FAF1: variants seen among roughly 807,000 people sequenced by gnomAD.
FAF1 encodes the protein Fas associated factor 1.
Under a neutral mutation model 92.5 loss-of-function variants are expected in FAF1, and 25 were observed. That is an observed-to-expected ratio of 0.27 (90% CI 0.20 to 0.38). The LOEUF (loss-of-function observed/expected upper bound fraction) is 0.38. FAF1 is among the 10% of genes least tolerant of loss of function. The probability of loss-of-function intolerance (pLI) is 1.00; values close to 1 mark genes in which losing one functional copy is unlikely to be tolerated. For synonymous variants in FAF1, 234 were observed against 273.2 expected (o/e 0.86, Z 1.42); for missense variants, 636 against 793.3 (o/e 0.80, Z 2.38).
At chr1:50,796,204 AAC>A (rs1661744318) in intron 3 of FAF1, among the ~76,000 whole-genome samples, 1 of 151,248 alleles carries the variant, frequency 6.6e-6, no homozygotes, top group Non-Finnish European at 1.5e-5. Flanking sequence ...TTTGGCAGCA[AAC>A]ACACAAACAC....
intron 15 of FAF1, among the ~76,000 whole-genome samples, chr1:50,510,550 C>T (rs918319612): frequency 6.6e-6 from 1 of 152,136 alleles, no homozygotes; most frequent in African/African-American, 2.4e-5. Flanking sequence ...CTGTTACACC[C>T]CACCACTCAA....
At chr1:50,733,910 C>A (rs1301439867) in intron 6 of FAF1, among the ~76,000 whole-genome samples, 3 of 152,202 alleles carry the variant, frequency 2.0e-5, no homozygotes, top group Admixed American at 2.0e-4. Flanking sequence ...AATTCTCCTG[C>A]CTCAGCCTCC....
At chr1:50,827,251 T>C (rs1489821618) in intron 2 of FAF1, among the ~76,000 whole-genome samples, 2 of 152,152 alleles carry the variant, frequency 1.3e-5, no homozygotes, top group Admixed American at 6.5e-5. Flanking sequence ...TAGAAAGAAG[T>C]AGACATAGGA....
intron 7 of FAF1, among the ~76,000 whole-genome samples, chr1:50,686,372 G>A (rs553101893): frequency 1.2e-3 from 185 of 152,034 alleles, no homozygotes; most frequent in Non-Finnish European, 1.7e-3. Flanking sequence ...GAGAAACCCC[G>A]TCCCTACTAA....
intron 1 of FAF1, among the ~76,000 whole-genome samples, chr1:50,919,951 A>C (rs1644950139): frequency 6.6e-6 from 1 of 152,168 alleles, no homozygotes; most frequent in South Asian, 2.1e-4. Flanking sequence ...CCTAAACTGA[A>C]ACTAAATTCC....
intron 13 of FAF1, among the ~76,000 whole-genome samples, chr1:50,560,983 T>A (rs1013966483): frequency 2.6e-5 from 4 of 152,234 alleles, no homozygotes; most frequent in African/African-American, 9.6e-5. Context: ...GTACTATTTA[T>A]GGTTAATTCT....
chr1:50,518,008 A>G (rs1294106898), intron 15 of FAF1, among the ~76,000 whole-genome samples: 1 of 152,240 alleles, frequency 6.6e-6, no homozygotes, highest in Non-Finnish European at 1.5e-5. Flanking sequence ...TTTTTAATGT[A>G]CAGTTCTATG....
intron 6 of FAF1, among the ~76,000 whole-genome samples, chr1:50,729,052 A>T (rs1291079425): frequency 1.2e-3 from 113 of 97,894 alleles, no homozygotes; most frequent in African/African-American, 4.8e-3. Flanking sequence ...ATATATATAT[A>T]TATATATTTT....
intron 16 of FAF1, among the ~76,000 whole-genome samples, chr1:50,491,186 A>G (rs372897213): frequency 6.6e-6 from 1 of 152,216 alleles, no homozygotes; most frequent in Non-Finnish European, 1.5e-5. Flanking sequence ...AAAAATTTCC[A>G]CTGAAACTCC....
intron 4 of FAF1, among the ~76,000 whole-genome samples, 200 bp downstream of exon 4, chr1:50,787,800 A>G (rs1446411522): frequency 6.6e-6 from 1 of 152,184 alleles, no homozygotes; most frequent in Non-Finnish European, 1.5e-5. Flanking sequence ...CATGGAACAA[A>G]AAAAATTATT....
intron 2 of FAF1, among the ~76,000 whole-genome samples, chr1:50,802,132 C>T (rs531789202): frequency 9.5e-4 from 144 of 151,928 alleles, no homozygotes; most frequent in Non-Finnish European, 1.8e-3. Context: ...CTCTTGTTGC[C>T]CAGGCTGGAG....
chr1:50,473,917 A>T (rs1223456184), intron 18 of FAF1, among the ~76,000 whole-genome samples: 1 of 152,220 alleles, frequency 6.6e-6, no homozygotes, highest in Non-Finnish European at 1.5e-5. Flanking sequence ...CTATACCTAG[A>T]TCACAATGGA....
rs1243920919 is a variant in FAF1, at chr1:50,437,479, G to A, written c.*3961C>T. 1 of 151,774 alleles carries A rather than the reference G, an allele frequency of 6.6e-6. No homozygotes were observed. Among genetic ancestry groups the A allele is most frequent in the Non-Finnish European group, 1.5e-5 (1 of 67,978 alleles). 9.4% of individuals were successfully genotyped at this position (151,774 alleles called of 1,614,324 possible). ...GGCTCACTGTAGCCTTGAACTCCTGGGCTCAAGTGATCACTTTGCCTCAGC... is the reference window on the plus strand; with the variant it reads ...GGCTCACTGTAGCCTTGAACTCCTGAGCTCAAGTGATCACTTTGCCTCAGC... On this transcript the variant is annotated 3_prime_UTR_variant, in exon 19 of 19. Transcript: ENST00000396153.
In FAF1 at chr1:50,567,089, G is replaced by T. The variant is rs750254606; in HGVS notation, c.1256C>A (p.Ser419Tyr). Residue 419 changes from serine (S) to tyrosine (Y), a missense_variant, in exon 13 of 19, where the codon TCC (serine) becomes TAC (tyrosine). Physicochemically the swap from Ser to Tyr is moderately radical, Grantham distance 144 (BLOSUM62 -2). This residue lies in a region of FAF1 where 319 missense variants were observed against 451.0 expected (regional missense o/e 0.71). Transcript: ENST00000396153. ...ACAACAGTATTACCTTGCTCTGTTG[G>T]AGTCCTTTGTCAGATCCCAAGCCCA... The part of the protein sequence containing the change: ...ITWAWDLTKD[S>Y]NRARFLTMCN... 5.4e-5 allele frequency: 86 copies of T among 1,605,290 alleles called. No homozygotes were observed. The highest frequency in any genetic ancestry group is 1.7e-4 in the Middle Eastern group (1 of 6,024).
intron 1 of FAF1, among the ~76,000 whole-genome samples, chr1:50,915,728 G>T (rs954339775): frequency 2.6e-5 from 4 of 152,002 alleles, no homozygotes; most frequent in Non-Finnish European, 5.9e-5. Context: ...GAGAAAAAAG[G>T]TATGTATTCT....
chr1:50,638,093 C>T (rs933332852), intron 8 of FAF1, among the ~76,000 whole-genome samples: 1 of 152,014 alleles, frequency 6.6e-6, no homozygotes, highest in African/African-American at 2.4e-5. Flanking sequence ...TTTTCTAAAA[C>T]CCATTTCAAA....
chr1:50,669,442 C>A (rs1339144813), intron 7 of FAF1, among the ~76,000 whole-genome samples: 2 of 152,066 alleles, frequency 1.3e-5, no homozygotes, highest in Non-Finnish European at 2.9e-5. Flanking sequence ...TACCTAGAGG[C>A]ATTACTTTGA....
At chr1:50,558,450 T>C (rs1057249042) in intron 13 of FAF1, among the ~76,000 whole-genome samples, 3 of 152,126 alleles carry the variant, frequency 2.0e-5, no homozygotes, top group Non-Finnish European at 1.5e-5. Context: ...AGGGAAAGGT[T>C]TGGAATTAAC....
At chr1:50,442,113 T>C (rs1646175539) in intron 18 of FAF1, among the ~76,000 whole-genome samples, 1 of 152,112 alleles carries the variant, frequency 6.6e-6, no homozygotes, top group South Asian at 2.1e-4. Flanking sequence ...TTTTGTAATA[T>C]GAACTATTGA....
Sources: gnomAD v4.1 joint callset for allele counts (sites outside exome capture counted in the v4.1 genomes callset) on GRCh38, gnomAD v4.1.1 for gene constraint, gnomAD v4.1.1 regional missense constraint, MANE v1.5 for transcripts, NCBI Gene and HGNC (gene_info 2026-07-23, HGNC 2026-07-21) for gene names.